The following BEND6 variants were observed in gnomAD, a reference collection of about 807,000 sequenced individuals.
The protein encoded by BEND6 is BEN domain containing 6.
In BEND6, 24 loss-of-function variants were observed where a neutral mutation model predicts 31.8. The observed-to-expected ratio is 0.75, with a 90% CI of 0.55 to 1.06. The LOEUF (loss-of-function observed/expected upper bound fraction) is 1.06, where lower values mean the gene tolerates loss of function less well. Among genes scored for constraint, BEND6 ranks in the 50% least tolerant of loss-of-function variants. The probability of loss-of-function intolerance (pLI) is 0.00; values close to 1 mark genes in which losing one functional copy is unlikely to be tolerated. For synonymous variants in BEND6, 109 were observed against 114.6 expected (o/e 0.95, Z 0.31); for missense variants, 294 against 327.4 (o/e 0.90, Z 0.79).
chr6:56,963,329 C>T (rs1167212385), intron 1 of BEND6, among the ~76,000 whole-genome samples: 1 of 152,182 alleles, frequency 6.6e-6, no homozygotes, highest in Middle Eastern at 3.2e-3. Flanking sequence ...ACAAGAGATG[C>T]AGTCCTCTCC....
rs537291172 is a variant in BEND6, at chr6:57,016,839, G to A, written c.520-368G>A. ...TGCCCTGTGAGGCAACGTGTTATAG[G>A]TTTCAGGGATTAGGATGTGACCTTT... On this transcript the variant is annotated intron_variant, in intron 4 of 6. Transcript: ENST00000370746. Among the ~76,000 whole-genome samples, 13 of 152,224 alleles carry A rather than the reference G, an allele frequency of 8.5e-5. No homozygotes were observed. The South Asian group carries it at 2.7e-3, about 32-fold the overall frequency.
Position 57,015,214 on chromosome 6 carries a change from C to T in BEND6, c.380C>T (p.Thr127Ile). 1.2e-6 allele frequency: 2 copies of T among 1,614,170 alleles called. No individual in the cohort carries two copies. Among genetic ancestry groups the T allele is most frequent in the Non-Finnish European group, 1.7e-6 (2 of 1,180,014 alleles). ...ALLKGGGTMS[T>I]SASTLWRATN... is the part of the protein sequence containing the mutation. ...CTTAAGGGTGGGGGAACCATGTCTA[C>T]ATCTGCATCCACCCTCTGGAGAGCA... Residue 127 changes from threonine (T) to isoleucine (I), a missense_variant, in exon 4 of 7, where the codon ACA becomes ATA. Transcript: ENST00000370746.
intron 4 of BEND6, among the ~76,000 whole-genome samples, 183 bp downstream of exon 4, chr6:57,015,536 C>A (rs1392009641): frequency 1.3e-5 from 2 of 151,692 alleles, no homozygotes; most frequent in Non-Finnish European, 2.9e-5. Context: ...TGTGGTGGCT[C>A]ACCCCTGTAA....
chr6:57,022,077 T>C (rs1827761369), intron 6 of BEND6, among the ~76,000 whole-genome samples: 1 of 152,144 alleles, frequency 6.6e-6, no homozygotes, highest in Non-Finnish European at 1.5e-5. Context: ...GTTGTGCCCT[T>C]CTCTGGTTTT....
intron 1 of BEND6, among the ~76,000 whole-genome samples, chr6:56,972,080 T>C (rs555834524): frequency 6.8e-6 from 1 of 146,088 alleles, no homozygotes; most frequent in Admixed American, 7.2e-5. Flanking sequence ...TACTTTACTT[T>C]ACTTTCTTTT....
intron 6 of BEND6, among the ~76,000 whole-genome samples, chr6:57,020,657 A>G (rs953230197): frequency 1.3e-5 from 2 of 151,958 alleles, no homozygotes; most frequent in Non-Finnish European, 2.9e-5. Flanking sequence ...CCTGACTTCA[A>G]GTGATCTGCC....
At chr6:56,956,941 G>C (rs968645837) in intron 1 of BEND6, among the ~76,000 whole-genome samples, 1 of 152,204 alleles carries the variant, frequency 6.6e-6, no homozygotes, top group Admixed American at 6.5e-5. Flanking sequence ...TGAACTAACC[G>C]TGTGCAGACA....
intron 3 of BEND6, among the ~76,000 whole-genome samples, chr6:57,001,112 A>G (rs2127873907): frequency 6.6e-6 from 1 of 151,922 alleles, no homozygotes; most frequent in Non-Finnish European, 1.5e-5. Flanking sequence ...TCACCAAGAC[A>G]TAGAGTCACC....
chr6:56,969,616 G>C (rs1172779110), intron 1 of BEND6, among the ~76,000 whole-genome samples: 1 of 152,008 alleles, frequency 6.6e-6, no homozygotes, highest in Non-Finnish European at 1.5e-5. Flanking sequence ...TGCTGTACTT[G>C]CCTTTCAAAA....
At position 56,987,728 on chromosome 6, in the gene BEND6, G is replaced by A. The variant is rs139916149; in HGVS notation, c.121-4650G>A. ...ACTGGGCAGTAGAGGCTTTCTTTAT[G>A]TTATACCTTTGCTTCTTCTACTCTC... On this transcript the variant is annotated intron_variant, in intron 2 of 6. Coordinates refer to ENST00000370746, the MANE Select transcript of BEND6 (RefSeq NM_152731.3). Among the ~76,000 whole-genome samples the A allele has an allele frequency of 4.4e-4, 67 of 152,148 alleles. 2 individuals are homozygous for A. Among genetic ancestry groups the A allele is most frequent in the Admixed American group, 3.7e-3 (57 of 15,276 alleles).
At chr6:56,988,739 G>A (rs1378120998) in intron 2 of BEND6, among the ~76,000 whole-genome samples, 1 of 152,014 alleles carries the variant, frequency 6.6e-6, no homozygotes. Flanking sequence ...TGTTTTAATA[G>A]TTTTATAGGC....
intron 1 of BEND6, among the ~76,000 whole-genome samples, chr6:56,978,805 A>G (rs1468511670): frequency 2.0e-5 from 3 of 152,220 alleles, no homozygotes; most frequent in Admixed American, 6.5e-5. Flanking sequence ...CCATATGCCT[A>G]TGGAGCACTG....
chr6:56,959,496 T>C, intron 1 of BEND6, among the ~76,000 whole-genome samples: 1 of 152,132 alleles, frequency 6.6e-6, no homozygotes, highest in East Asian at 1.9e-4. Flanking sequence ...ATAAAGCATA[T>C]TGATTTTGGC....
At chr6:56,969,509 A>C (rs1825613949) in intron 1 of BEND6, among the ~76,000 whole-genome samples, 1 of 152,316 alleles carries the variant, frequency 6.6e-6, no homozygotes, top group South Asian at 2.1e-4. Flanking sequence ...GAGTACTATA[A>C]GGGGTCTTTT....
At chr6:57,006,628 A>G (rs1270372284) in intron 3 of BEND6, among the ~76,000 whole-genome samples, 2 of 152,260 alleles carry the variant, frequency 1.3e-5, no homozygotes, top group African/African-American at 2.4e-5. Flanking sequence ...GTTTGAACAC[A>G]TAATAAATTT....
rs561144683 is a variant in BEND6 at position 56,988,631 on chromosome 6, T to A, written c.121-3747T>A. Among the ~76,000 whole-genome samples the A allele has an allele frequency of 2.6e-5, 4 of 152,248 alleles. No individual in the cohort carries two copies. The East Asian group carries it at 7.7e-4, about 29-fold the overall frequency. The stretch of plus-strand genomic sequence containing the variant: ...CTGCCCATCCCAAGACCTAAAACAT[T>A]ACTAAAACTCATAACTTCCTATAGA... On this transcript the variant is annotated intron_variant, in intron 2 of 6. Transcript: ENST00000370746.
chr6:56,997,654 C>T (rs952677727), intron 3 of BEND6, among the ~76,000 whole-genome samples: 1 of 152,090 alleles, frequency 6.6e-6, no homozygotes, highest in Non-Finnish European at 1.5e-5. Context: ...CCCAGGTTCA[C>T]GCCATTCTCC....
At chr6:56,977,377 G>GA (rs1054187459) in intron 1 of BEND6, among the ~76,000 whole-genome samples, 3 of 151,570 alleles carry the variant, frequency 2.0e-5, no homozygotes, top group African/African-American at 4.8e-5. Flanking sequence ...TAGCCTTTGT[G>GA]AAAAAAAACT....
At chr6:57,000,439 C>G (rs1044133319) in intron 3 of BEND6, among the ~76,000 whole-genome samples, 1 of 152,052 alleles carries the variant, frequency 6.6e-6, no homozygotes, top group Non-Finnish European at 1.5e-5. Flanking sequence ...CCCAGGGACA[C>G]AAACACTGCG....
Sources: allele counts gnomAD v4.1 joint callset (sites outside exome capture counted in the v4.1 genomes callset), GRCh38; gene constraint gnomAD v4.1.1; transcripts MANE v1.5; gene names NCBI Gene and HGNC (gene_info 2026-07-23, HGNC 2026-07-21).